The following MTX2 variants were observed in gnomAD, a reference collection of about 807,000 sequenced individuals.
The protein encoded by MTX2 is metaxin 2.
A neutral mutation model predicts 42.3 loss-of-function variants in MTX2; 35 were observed. The observed-to-expected ratio is 0.83, with a 90% confidence interval of 0.63 to 1.10. MTX2 has a LOEUF of 1.10. Ranked by LOEUF, MTX2 falls within the 50% of genes least tolerant of loss-of-function variation. The pLI is 0.00. For synonymous variants in MTX2, 119 were observed against 100.9 expected (o/e 1.18, Z -1.08); for missense variants, 307 against 304.1 (o/e 1.01, Z -0.07).
intron 9 of MTX2, among the ~76,000 whole-genome samples, chr2:176,333,336 T>G (rs1684904517): frequency 6.6e-6 from 1 of 151,600 alleles, no homozygotes; most frequent in Non-Finnish European, 1.5e-5. Flanking sequence ...GATCTTGACT[T>G]GATTAAATAG....
intron 1 of MTX2, among the ~76,000 whole-genome samples, chr2:176,284,381 G>C (rs868703220): frequency 2.6e-5 from 4 of 152,144 alleles, no homozygotes; most frequent in Non-Finnish European, 5.9e-5. Context: ...TTATTGGCTT[G>C]TTGGTGCTGT....
At chr2:176,312,013 A>C (rs1387827953) in intron 3 of MTX2, among the ~76,000 whole-genome samples, 1 of 152,198 alleles carries the variant, frequency 6.6e-6, no homozygotes, top group Non-Finnish European at 1.5e-5. Context: ...GACTGGAGCC[A>C]TTCCTGTTCG....
chr2:176,275,897 C>T (rs1692936176), intron 1 of MTX2, among the ~76,000 whole-genome samples: 1 of 152,208 alleles, frequency 6.6e-6, no homozygotes, highest in Admixed American at 6.5e-5. Context: ...GAGCACTAAA[C>T]AGCAGAAATT....
intron 3 of MTX2, among the ~76,000 whole-genome samples, chr2:176,311,852 C>T (rs1482844394): frequency 2.0e-5 from 3 of 152,196 alleles, no homozygotes; most frequent in Non-Finnish European, 4.4e-5. Flanking sequence ...ACCCCTTGCG[C>T]TTCCTGGGTG....
At position 176,328,373 on chromosome 2, in the gene MTX2, G is replaced by A. The variant is rs2105444228; in HGVS notation, c.366G>A (p.Leu122=). ...KAYMELVNNM[L]LTAELYLQWC... is the part of the protein sequence containing the mutation. ...ACATGGAATTAGTCAACAATATGCT[G>A]TTGACTGCAGAGGTAAAATACTAGA... Residue 122 remains leucine, a synonymous_variant, in exon 6 of 10, where the codon CTG becomes CTA. Coordinates refer to ENST00000249442, the MANE Select transcript of MTX2 (RefSeq NM_006554.5). 1.3e-6 allele frequency: 2 copies of A among 1,567,796 alleles called. No homozygotes were observed. Among genetic ancestry groups the A allele is most frequent in the Non-Finnish European group, 1.7e-6 (2 of 1,158,316 alleles).
chr2:176,270,059 T>C (rs1692762739), intron 1 of MTX2, among the ~76,000 whole-genome samples: 1 of 152,084 alleles, frequency 6.6e-6, no homozygotes, highest in Non-Finnish European at 1.5e-5. Context: ...ACTCAAAAAG[T>C]TTAAGGTGAC....
chr2:176,311,503 C>T (rs1246679495), intron 3 of MTX2, among the ~76,000 whole-genome samples: 1 of 152,204 alleles, frequency 6.6e-6, no homozygotes, highest in Non-Finnish European at 1.5e-5. Flanking sequence ...TATGCCCTGC[C>T]CATGGAGGTG....
At chr2:176,296,943 C>T (rs749859829) in intron 2 of MTX2, 36 bp downstream of exon 2, 3 of 1,574,576 alleles carry the variant, frequency 1.9e-6, no homozygotes, top group Non-Finnish European at 2.6e-6. Context: ...GGCTTTGTAT[C>T]AAACTATATT....
chr2:176,305,248 A>G, intron 3 of MTX2, among the ~76,000 whole-genome samples: 1 of 152,194 alleles, frequency 6.6e-6, no homozygotes, highest in South Asian at 2.1e-4. Context: ...CCTTCCATCT[A>G]CTAGTTCATC....
In MTX2 at chr2:176,316,128, A is replaced by G. The variant is rs151071245; in HGVS notation, c.136-7264A>G. Among the ~76,000 whole-genome samples, 485 of 152,230 alleles carry G rather than the reference A, an allele frequency of 3.2e-3. 6 individuals carry two copies. The East Asian group carries it at 0.036, about 11-fold the overall frequency. ...TTGAATTTATTTTTGTAGGTCCTCAAAGTTATGTCTTTCTGGCAAGTTAGC... is the reference window on the plus strand; with the variant it reads ...TTGAATTTATTTTTGTAGGTCCTCAGAGTTATGTCTTTCTGGCAAGTTAGC... On this transcript the variant is annotated intron_variant, in intron 3 of 9. Transcript: ENST00000249442.
rs1684700822 is a variant in MTX2, at chr2:176,326,183, A to G, written c.209-642A>G. 2.0e-5 allele frequency among the ~76,000 whole-genome samples: 3 copies of G among 151,810 alleles called. No individual in the cohort carries two copies. In the Admixed American group the frequency reaches 2.0e-4, roughly 10 times the overall value. Reference sequence around the variant, plus strand: ...TTCTTTTTTAATGTGACATTTATCTATAGAAGCTAGTTTTTATAAACATAC... The same window carrying G: ...TTCTTTTTTAATGTGACATTTATCTGTAGAAGCTAGTTTTTATAAACATAC... On this transcript the variant is annotated intron_variant, in intron 4 of 9. Coordinates refer to ENST00000249442, the MANE Select transcript of MTX2 (RefSeq NM_006554.5).
chr2:176,285,680 A>G (rs1159475912), intron 1 of MTX2, among the ~76,000 whole-genome samples: 1 of 151,208 alleles, frequency 6.6e-6, no homozygotes, highest in Non-Finnish European at 1.5e-5. Flanking sequence ...AGGGTCATCC[A>G]TGTATTCATG....
chr2:176,324,667 C>G (rs1390038645), intron 4 of MTX2, among the ~76,000 whole-genome samples: 1 of 151,564 alleles, frequency 6.6e-6, no homozygotes, highest in African/African-American at 2.4e-5. Context: ...AGTGAGATAT[C>G]AATATAGTTT....
At chr2:176,302,617 T>C (rs979856414) in intron 3 of MTX2, among the ~76,000 whole-genome samples, 2 of 152,030 alleles carry the variant, frequency 1.3e-5, no homozygotes, top group African/African-American at 2.4e-5. Context: ...TTTGTATTTT[T>C]AATAGAGACG....
chr2:176,326,475 C>T (rs1243455365), intron 4 of MTX2, among the ~76,000 whole-genome samples: 1 of 151,616 alleles, frequency 6.6e-6, no homozygotes, highest in Non-Finnish European at 1.5e-5. Context: ...TATCAGTGGT[C>T]ATGTACCAGT....
chr2:176,332,156 C>T (rs1274659771), intron 9 of MTX2, among the ~76,000 whole-genome samples: 6 of 151,064 alleles, frequency 4.0e-5, no homozygotes, highest in Admixed American at 1.3e-4. Context: ...TTTTCCTTTG[C>T]GTGATACTTA....
chr2:176,317,452 T>C (rs569838295), intron 3 of MTX2, among the ~76,000 whole-genome samples: 1 of 152,300 alleles, frequency 6.6e-6, no homozygotes, highest in African/African-American at 2.4e-5. Context: ...TGGCTCTGTA[T>C]TTTGTTTGAG....
intron 3 of MTX2, among the ~76,000 whole-genome samples, chr2:176,316,230 T>C (rs1489347129): frequency 6.6e-6 from 1 of 152,138 alleles, no homozygotes; most frequent in Non-Finnish European, 1.5e-5. Flanking sequence ...TTGCTCTAGG[T>C]CATTAGAAGA....
chr2:176,269,935 G>A (rs947933589), intron 1 of MTX2, among the ~76,000 whole-genome samples: 3 of 152,120 alleles, frequency 2.0e-5, no homozygotes, highest in African/African-American at 4.8e-5. Context: ...CAGTTGGGAG[G>A]TGCTGGAGTA....
Sources: allele counts gnomAD v4.1 joint callset (sites outside exome capture counted in the v4.1 genomes callset), GRCh38; gene constraint gnomAD v4.1.1; transcripts MANE v1.5; gene names NCBI Gene and HGNC (gene_info 2026-07-23, HGNC 2026-07-21).